Variants in GNAI2 observed in about 807,000 individuals in gnomAD.
The protein encoded by GNAI2 is guanine nucleotide-binding protein G(i) subunit alpha-2.
In GNAI2, 4 loss-of-function variants were observed where a neutral mutation model predicts 36.8. The ratio of observed to expected loss-of-function variants is 0.11; its 90% confidence interval spans 0.05 to 0.25. The LOEUF (loss-of-function observed/expected upper bound fraction) is 0.25. Ranked by LOEUF, GNAI2 falls within the 10% of genes least tolerant of loss-of-function variation. The pLI, the probability that GNAI2 is intolerant of heterozygous loss-of-function variation, is 1.00. For synonymous variants in GNAI2, 194 were observed against 194.1 expected (o/e 1.00, Z 0.01); for missense variants, 230 against 481.3 (o/e 0.48, Z 4.89).
Position 50,256,312 on chromosome 3 carries a change from A to G in GNAI2, c.585A>G (p.Leu195=). 6.2e-7 allele frequency: 1 copy of G among 1,613,900 alleles called. No homozygotes were observed. Among genetic ancestry groups the G allele is most frequent in the Non-Finnish European group, 8.5e-7 (1 of 1,179,850 alleles). ...AGACACACTTCACCTTCAAGGACCT[A>G]CACTTCAAGTGAGCGAGCATGTGGA... ...IVETHFTFKD[L]HFKMFDVGGQ... Residue 195 remains leucine, a synonymous_variant, in exon 5 of 9, where the codon CTA becomes CTG. Coordinates refer to ENST00000313601, the MANE Select transcript of GNAI2 (RefSeq NM_002070.4).
At chr3:50,256,911 C>T (rs781925628) in intron 6 of GNAI2, 26 bp from the exon 7 acceptor site, 56 of 1,613,706 alleles carry the variant, frequency 3.5e-5, no homozygotes, top group Non-Finnish European at 4.1e-5. Flanking sequence ...TGGTGGCTAG[C>T]GTTGACCTTG....
At position 50,238,663 on chromosome 3, in the gene GNAI2, T is replaced by G. The variant is rs1235589748; in HGVS notation, c.118+2210T>G. Among the ~76,000 whole-genome samples the G allele has an allele frequency of 6.6e-6, 1 of 152,114 alleles. No homozygotes were observed. Among genetic ancestry groups the G allele is most frequent in the Non-Finnish European group, 1.5e-5 (1 of 67,992 alleles). Reference sequence around the variant, plus strand: ...TAGGTTGGGAGTAAAGACCCTGCAGTGTGCTGCAAAGGGCTCTGACCAAGC... The same window carrying G: ...TAGGTTGGGAGTAAAGACCCTGCAGGGTGCTGCAAAGGGCTCTGACCAAGC... On this transcript the variant is annotated intron_variant, in intron 1 of 8. Transcript: ENST00000313601. This position sits in a 1 kb window ranked among gnomAD's most constrained non-coding sequence, Gnocchi z 5.0.
rs190048880 is a variant in GNAI2, at chr3:50,256,869, A to G, written c.723+17A>G. The G allele has an allele frequency of 1.6e-3, 2,552 of 1,613,936 alleles. 4 individuals carry two copies. The highest frequency in any genetic ancestry group is 2.0e-3 in the Non-Finnish European group (2,337 of 1,179,838). ...GAGGAGATGGTGAGAGGATGAGAGA[A>G]TGCTGCGGGTGGGGGCAGCGGGCTT... On this transcript the variant is annotated intron_variant, in intron 6 of 8. Coordinates refer to ENST00000313601, the MANE Select transcript of GNAI2 (RefSeq NM_002070.4).
At chr3:50,230,725 C>A (rs1017494315), upstream of GNAI2, 2 of 780,096 alleles carry the variant, frequency 2.6e-6, no homozygotes, top group African/African-American at 1.9e-5. Context: ...GCTGAGGGGC[C>A]ACCCTCAACT....
chr3:50,227,591 G>A (rs1699998472), upstream of GNAI2: 1 of 160,564 alleles, frequency 6.2e-6, no homozygotes, highest in Admixed American at 6.4e-5. This position sits in a 1 kb window ranked among gnomAD's most constrained non-coding sequence, Gnocchi z 5.9. Flanking sequence ...AAGAGGCGGT[G>A]CAGCGCACCC....
At position 50,236,299 on chromosome 3, in the gene GNAI2, T is replaced by A; in HGVS notation, c.-37T>A. 1 of 1,327,094 alleles carries A rather than the reference T, an allele frequency of 7.5e-7. No individual in the cohort carries two copies. 82.2% of individuals were successfully genotyped at this position (1,327,094 alleles called of 1,614,324 possible). The stretch of plus-strand genomic sequence containing the variant: ...GGGCCGAGCCGGGCCGTGGGCCGTG[T>A]GGGGGCCGGGCGGCGGCCGGGCCGG... On this transcript the variant is annotated 5_prime_UTR_variant, in exon 1 of 9. Transcript: ENST00000313601. The surrounding 1 kb of genome is among the most constrained non-coding windows in gnomAD (Gnocchi z 4.0).
intron 1 of GNAI2, among the ~76,000 whole-genome samples, chr3:50,248,277 C>T (rs1312017470): frequency 6.6e-6 from 1 of 152,044 alleles, no homozygotes; most frequent in Non-Finnish European, 1.5e-5. Context: ...GACTCAGCCA[C>T]CCCTCTGAGA....
chr3:50,244,781 G>A (rs185070350), intron 1 of GNAI2, among the ~76,000 whole-genome samples: 30 of 152,300 alleles, frequency 2.0e-4, no homozygotes, highest in African/African-American at 5.5e-4. Flanking sequence ...TGCCAGGCCA[G>A]GCCGTAAGGG....
rs1181381570 is a variant in GNAI2 at position 50,256,867 on chromosome 3, G to A, written c.723+15G>A. ...ACGAGGAGATGGTGAGAGGATGAGA[G>A]AATGCTGCGGGTGGGGGCAGCGGGC... On this transcript the variant is annotated intron_variant, in intron 6 of 8. Coordinates refer to ENST00000313601, the MANE Select transcript of GNAI2 (RefSeq NM_002070.4). 1.2e-6 allele frequency: 2 copies of A among 1,613,924 alleles called. No homozygotes were observed. The highest frequency in any genetic ancestry group is 1.7e-6 in the Non-Finnish European group (2 of 1,179,894).
rs1700244549 is a variant in GNAI2 at position 50,238,942 on chromosome 3, G to A, written c.118+2489G>A. On this transcript the variant is annotated intron_variant, in intron 1 of 8. Coordinates refer to ENST00000313601, the MANE Select transcript of GNAI2 (RefSeq NM_002070.4). This position sits in a 1 kb window ranked among gnomAD's most constrained non-coding sequence, Gnocchi z 5.0. ...CCGCACACCGCCTCCCTCCCATCTT[G>A]GGTAGCCCTGCCAGCAGGCAGGCAC... 6.6e-6 allele frequency among the ~76,000 whole-genome samples: 1 copy of A among 152,198 alleles called. No individual in the cohort carries two copies. Among genetic ancestry groups the A allele is most frequent in the African/African-American group, 2.4e-5 (1 of 41,444 alleles).
At chr3:50,248,121 G>C (rs1447536329) in intron 1 of GNAI2, among the ~76,000 whole-genome samples, 2 of 152,244 alleles carry the variant, frequency 1.3e-5, no homozygotes, top group African/African-American at 4.8e-5. Flanking sequence ...TGTAGTCCCA[G>C]CTACTGGGGA....
chr3:50,243,712 G>A (rs1553701405), intron 1 of GNAI2, among the ~76,000 whole-genome samples: 1 of 152,240 alleles, frequency 6.6e-6, no homozygotes, highest in African/African-American at 2.4e-5. Context: ...ACAAACTGAA[G>A]CTCAGGGACT....
rs1553700595 is a variant in GNAI2, at chr3:50,238,158, C to G, written c.118+1705C>G. 2 of 152,196 alleles carry G rather than the reference C, an allele frequency of 1.3e-5. No individual in the cohort carries two copies. Among genetic ancestry groups the G allele is most frequent in the Non-Finnish European group, 2.9e-5 (2 of 68,024 alleles). The allele number at this position is 152,196 out of a possible 1,614,324, so 9.4% of individuals were successfully genotyped here. A position where few individuals can be genotyped will look rare whatever the true frequency, so the allele number is the denominator to read the frequency against. ...GAGTGGGTGTCGACGCGGCGGAATG[C>G]CCGTCGCTGCTGCTGCTGCTGCCCG... On this transcript the variant is annotated intron_variant, in intron 1 of 8. Transcript: ENST00000313601. The surrounding 1 kb of genome is among the most constrained non-coding windows in gnomAD (Gnocchi z 5.0).
chr3:50,244,546 A>G (rs1435058725), intron 1 of GNAI2, among the ~76,000 whole-genome samples: 1 of 152,204 alleles, frequency 6.6e-6, no homozygotes, highest in Non-Finnish European at 1.5e-5. Context: ...TGTCCAGAGG[A>G]GTGAAATGAA....
Position 50,252,564 on chromosome 3 carries a change from C to G in GNAI2, c.303+26C>G, listed in dbSNP as rs941306737. On this transcript the variant is annotated intron_variant, in intron 3 of 8. Coordinates refer to ENST00000313601, the MANE Select transcript of GNAI2 (RefSeq NM_002070.4). This position sits in a 1 kb window ranked among gnomAD's most constrained non-coding sequence, Gnocchi z 4.1. Reference sequence around the variant, plus strand: ...GTATGTGCCCTCCGCCCCACCCTCTCCCACCTCCCAAAAGGTTTCGGGGTG... The same window carrying G: ...GTATGTGCCCTCCGCCCCACCCTCTGCCACCTCCCAAAAGGTTTCGGGGTG... 35 of 1,595,318 alleles carry G rather than the reference C, an allele frequency of 2.2e-5. No individual in the cohort carries two copies. The highest frequency in any genetic ancestry group is 2.7e-5 in the Non-Finnish European group (31 of 1,166,774).
At chr3:50,231,676 C>T (rs1700070171), upstream of GNAI2, among the ~76,000 whole-genome samples, 3 of 152,136 alleles carry the variant, frequency 2.0e-5, no homozygotes, top group Non-Finnish European at 4.4e-5. Context: ...TGGGATCTGG[C>T]TGGGGAAGGG....
At position 50,236,345 on chromosome 3, in the gene GNAI2, A is replaced by G; in HGVS notation, c.10A>G (p.Thr4Ala). 1 of 1,513,464 alleles carries G rather than the reference A, an allele frequency of 6.6e-7. No homozygotes were observed. The highest frequency in any genetic ancestry group is 8.8e-7 in the Non-Finnish European group (1 of 1,139,670). 93.8% of individuals were successfully genotyped at this position (1,513,464 alleles called of 1,614,324 possible). The stretch of plus-strand genomic sequence containing the variant: ...GCCGGCGGACGGCGGGATGGGCTGC[A>G]CCGTGAGCGCCGAGGACAAGGCGGC... MGC[T>A]VSAEDKAAAE... Residue 4 changes from threonine to alanine, a missense_variant, in exon 1 of 9, where the codon ACC becomes GCC. This residue lies in a region of GNAI2 where 132 missense variants were observed against 247.4 expected (regional missense o/e 0.53). Coordinates refer to ENST00000313601, the MANE Select transcript of GNAI2 (RefSeq NM_002070.4). This position sits in a 1 kb window ranked among gnomAD's most constrained non-coding sequence, Gnocchi z 4.0.
At position 50,236,532 on chromosome 3, in the gene GNAI2, G is replaced by T; in HGVS notation, c.118+79G>T. 1.3e-6 allele frequency: 2 copies of T among 1,508,376 alleles called. No homozygotes were observed. The highest frequency in any genetic ancestry group is 1.8e-6 in the Non-Finnish European group (2 of 1,136,788). The allele number at this position is 1,508,376 out of a possible 1,614,324, so 93.4% of individuals were successfully genotyped here. A position where few individuals can be genotyped will look rare whatever the true frequency, so the allele number is the denominator to read the frequency against. On this transcript the variant is annotated intron_variant, in intron 1 of 8. Transcript: ENST00000313601. The surrounding 1 kb of genome is among the most constrained non-coding windows in gnomAD (Gnocchi z 4.0). ...AAGGACTTTGACCTCCCAGACTAGGGCTTCAAACTCCCAGACCCGGGCTGT... is the reference window on the plus strand; with the variant it reads ...AAGGACTTTGACCTCCCAGACTAGGTCTTCAAACTCCCAGACCCGGGCTGT...
upstream of GNAI2, chr3:50,230,727 C>A: frequency 1.2e-6 from 1 of 823,728 alleles, no homozygotes; most frequent in Non-Finnish European, 1.5e-6. Flanking sequence ...TGAGGGGCCA[C>A]CCTCAACTCT....
Sources: gnomAD v4.1 joint callset for allele counts (sites outside exome capture counted in the v4.1 genomes callset) on GRCh38, gnomAD v4.1.1 for gene constraint, gnomAD v4.1.1 regional missense constraint, Gnocchi (gnomAD v3.1) non-coding constraint, MANE v1.5 for transcripts, NCBI Gene and HGNC (gene_info 2026-07-23, HGNC 2026-07-21) for gene names.